Variants in NTM observed in about 807,000 individuals in gnomAD.
The protein encoded by NTM is neurotrimin.
NTM carries 13 observed loss-of-function variants against 42.1 expected under a neutral mutation model. The observed-to-expected ratio is 0.31, with a 90% confidence interval of 0.20 to 0.49. The LOEUF is 0.49. NTM is among the 20% of genes least tolerant of loss of function. NTM has a pLI of 0.99. For synonymous variants in NTM, 187 were observed against 179.2 expected, an observed-to-expected ratio of 1.04 and a Z score of -0.35; for missense variants, 373 against 452.8, an observed-to-expected ratio of 0.82 and a Z score of 1.60.
intron 1 of NTM, among the ~76,000 whole-genome samples, chr11:131,432,850 T>A (rs1948782386): frequency 2.7e-5 from 2 of 73,450 alleles, no homozygotes; most frequent in Non-Finnish European, 5.6e-5. Flanking sequence ...TTTTTTTTTT[T>A]TTTTTTTTTT....
At chr11:131,614,056 C>G (rs543226486) in intron 1 of NTM, among the ~76,000 whole-genome samples, 18 of 152,322 alleles carry the variant, frequency 1.2e-4, no homozygotes, top group African/African-American at 4.1e-4. Flanking sequence ...CCTCTCAATA[C>G]CTGGGTGCAC....
chr11:131,424,840 A>T (rs1450336018), intron 1 of NTM, among the ~76,000 whole-genome samples: 11 of 145,056 alleles, frequency 7.6e-5, no homozygotes, highest in African/African-American at 2.3e-4. Context: ...AAGTGCTGGG[A>T]TTATAGGCGT....
At chr11:132,171,953 T>A (rs762577737) in intron 3 of NTM, among the ~76,000 whole-genome samples, 5 of 152,202 alleles carry the variant, frequency 3.3e-5, no homozygotes, top group Non-Finnish European at 7.3e-5. Flanking sequence ...TACTTGGGGT[T>A]TCTCTAATCC....
chr11:131,644,565 C>A (rs375846424), intron 1 of NTM, among the ~76,000 whole-genome samples: 42 of 152,326 alleles, frequency 2.8e-4, no homozygotes, highest in African/African-American at 9.1e-4. Context: ...ATTTTCTAAA[C>A]ACCACATAAG....
At chr11:131,535,804 C>G (rs2052093071) in intron 1 of NTM, 1 of 152,212 alleles carries the variant, frequency 6.6e-6, no homozygotes, top group East Asian at 1.9e-4. Context: ...TTGGCCACCG[C>G]TTGGGATAAT....
intron 1 of NTM, among the ~76,000 whole-genome samples, chr11:131,574,348 C>T (rs1314272819): frequency 2.6e-5 from 4 of 152,076 alleles, no homozygotes; most frequent in Admixed American, 2.6e-4. Context: ...CCTCAGGTGC[C>T]CCACTCCCTT....
intron 2 of NTM, among the ~76,000 whole-genome samples, chr11:132,121,231 C>T (rs1444037993): frequency 6.6e-6 from 1 of 152,084 alleles, no homozygotes; most frequent in African/African-American, 2.4e-5. Context: ...TTCCCTGGAC[C>T]TCATTTGCTT....
At chr11:131,999,134 G>T (rs2135253316) in intron 2 of NTM, among the ~76,000 whole-genome samples, 1 of 152,230 alleles carries the variant, frequency 6.6e-6, no homozygotes, top group Middle Eastern at 3.4e-3. Flanking sequence ...TTCGCAGGTG[G>T]AGAAAGCTTT....
At chr11:132,204,781 G>T (rs891833379) in intron 3 of NTM, among the ~76,000 whole-genome samples, 2 of 152,148 alleles carry the variant, frequency 1.3e-5, no homozygotes, top group Non-Finnish European at 2.9e-5. Flanking sequence ...GTTCAGTGTG[G>T]ATGAGAGAAG....
At chr11:131,765,567 G>T (rs988513074) in intron 1 of NTM, among the ~76,000 whole-genome samples, 1 of 152,146 alleles carries the variant, frequency 6.6e-6, no homozygotes, top group Non-Finnish European at 1.5e-5. Context: ...GTATTCATTA[G>T]TACATGTCCT....
intron 2 of NTM, among the ~76,000 whole-genome samples, chr11:131,986,919 C>T (rs181737107): frequency 1.3e-5 from 2 of 152,160 alleles, no homozygotes; most frequent in East Asian, 3.9e-4. Flanking sequence ...AACACAACTC[C>T]AACATAATTA....
At chr11:131,684,085 G>T (rs2695822) in intron 1 of NTM, among the ~76,000 whole-genome samples, 39,061 of 152,064 alleles carry the variant, frequency 0.26, 5,217 homozygotes, top group African/African-American at 0.3. Context: ...ACTTAACCTC[G>T]CCTAACTTCA....
At chr11:131,539,874 G>A (rs2052927844) in intron 1 of NTM, among the ~76,000 whole-genome samples, 1 of 152,128 alleles carries the variant, frequency 6.6e-6, no homozygotes, top group African/African-American at 2.4e-5. Context: ...CCTCTATCCT[G>A]GACCTCATCT....
intron 1 of NTM, among the ~76,000 whole-genome samples, chr11:131,652,301 TAA>T (rs1238658113): frequency 6.6e-6 from 1 of 152,142 alleles, no homozygotes; most frequent in Non-Finnish European, 1.5e-5. Context: ...AGGCTTGAGA[TAA>T]CACTCACAGT....
At position 131,473,238 on chromosome 11, in the gene NTM, C is replaced by T. The variant is rs73588742; in HGVS notation, c.82+102350C>T. On this transcript the variant is annotated intron_variant, in intron 1 of 8. Coordinates refer to ENST00000683400, the MANE Select transcript of NTM (RefSeq NM_001352005.2). ...GGAGCAGAGAGGAGGCTGTAATCCA[C>T]TATGGAGCCCAAGGCAGGCAGGGGT... Among the ~76,000 whole-genome samples, 939 of 152,182 alleles carry T rather than the reference C, an allele frequency of 6.2e-3. 9 individuals are homozygous for T. The highest frequency in any genetic ancestry group is 0.022 in the African/African-American group (897 of 41,504).
At chr11:132,010,437 A>G (rs1353549090) in intron 2 of NTM, among the ~76,000 whole-genome samples, 1 of 152,058 alleles carries the variant, frequency 6.6e-6, no homozygotes, top group Non-Finnish European at 1.5e-5. Context: ...TCTGCCTCAT[A>G]CCTTCCCAGC....
rs145455404 is a variant in NTM at position 131,493,746 on chromosome 11, T to C, written c.82+122858T>C. On this transcript the variant is annotated intron_variant, in intron 1 of 8. Transcript: ENST00000683400. ...ACAGTTAAACACAGGTATAGAAGAA[T>C]GTAAGCCCCAGAAACTTTTTGCTAC... 2.8e-3 allele frequency among the ~76,000 whole-genome samples: 423 copies of C among 152,320 alleles called. 2 individuals are homozygous for C. Among genetic ancestry groups the C allele is most frequent in the African/African-American group, 9.6e-3 (400 of 41,582 alleles).
chr11:131,415,354 G>A (rs1591603852), intron 1 of NTM, among the ~76,000 whole-genome samples: 1 of 152,166 alleles, frequency 6.6e-6, no homozygotes, highest in East Asian at 1.9e-4. Flanking sequence ...CCCCCTCTGA[G>A]CCCTGGCTGT....
At chr11:131,589,864 G>T (rs935168579) in intron 1 of NTM, among the ~76,000 whole-genome samples, 1 of 152,176 alleles carries the variant, frequency 6.6e-6, no homozygotes, top group African/African-American at 2.4e-5. Context: ...AATACAGAGT[G>T]GAGGGCTCGA....
Sources: gnomAD v4.1 joint callset for allele counts (sites outside exome capture counted in the v4.1 genomes callset) on GRCh38, gnomAD v4.1.1 for gene constraint, MANE v1.5 for transcripts, NCBI Gene and HGNC (gene_info 2026-07-23, HGNC 2026-07-21) for gene names.